The following PPP2R2B variants were observed in gnomAD, a reference collection of about 807,000 sequenced individuals.
PPP2R2B encodes protein phosphatase 2 regulatory subunit Bbeta, also known as serine/threonine-protein phosphatase 2A 55 kDa regulatory subunit B beta isoform.
PPP2R2B carries 5 observed loss-of-function variants against 46.0 expected under a neutral mutation model. The observed-to-expected ratio is 0.11, with a 90% CI of 0.06 to 0.23. The LOEUF (loss-of-function observed/expected upper bound fraction) is 0.23, where lower values mean the gene tolerates loss of function less well. PPP2R2B is among the 10% of genes least tolerant of loss of function. The pLI, the probability that PPP2R2B is intolerant of heterozygous loss-of-function variation, is 1.00. For missense variants in PPP2R2B, 367 were observed against 575.0 expected (o/e 0.64, Z 3.70); for synonymous variants, 215 against 206.7 (o/e 1.04, Z -0.34).
chr5:146,785,802 C>T (rs1755800460), intron 2 of PPP2R2B, among the ~76,000 whole-genome samples: 1 of 152,006 alleles, frequency 6.6e-6, no homozygotes, highest in East Asian at 1.9e-4. Flanking sequence ...TGCATGTTCT[C>T]ACTGATACAT....
intron 7 of PPP2R2B, chr5:146,607,134 G>A (rs1772368854): frequency 6.6e-6 from 1 of 152,186 alleles, no homozygotes; most frequent in African/African-American, 2.4e-5. Flanking sequence ...CGCCGATTGA[G>A]ATGCAGCCAG....
In PPP2R2B at chr5:146,728,949, G is replaced by A. The variant is rs77795750; in HGVS notation, c.71-27807C>T. Among the ~76,000 whole-genome samples the A allele has an allele frequency of 6.6e-3, 1,012 of 152,234 alleles. 13 individuals carry two copies. Among genetic ancestry groups the A allele is most frequent in the African/African-American group, 0.023 (966 of 41,524 alleles). On this transcript the variant is annotated intron_variant, in intron 2 of 9. Transcript: ENST00000394411. ...AATACAGCAAATTGGTACCAGGAGT[G>A]GGGTGTTGCTGAAGAGATACCCCAA...
At chr5:146,828,190 G>A (rs1341693562) in intron 2 of PPP2R2B, among the ~76,000 whole-genome samples, 1 of 151,230 alleles carries the variant, frequency 6.6e-6, no homozygotes, top group East Asian at 1.9e-4. Flanking sequence ...CTAGTTGAAG[G>A]TTTTATTTTC....
At chr5:146,892,959 TG>T (rs1406526579) in intron 1 of PPP2R2B, among the ~76,000 whole-genome samples, 3 of 152,324 alleles carry the variant, frequency 2.0e-5, no homozygotes, top group African/African-American at 4.8e-5. Flanking sequence ...TAGGATCTAT[TG>T]CTACCCTAGG....
At chr5:146,978,513 T>G (rs1056993580) in intron 1 of PPP2R2B, among the ~76,000 whole-genome samples, 1 of 152,240 alleles carries the variant, frequency 6.6e-6, no homozygotes, top group African/African-American at 2.4e-5. Context: ...GTACTACGTT[T>G]AAGTCTTTAA....
chr5:146,812,354 C>T lies in PPP2R2B; in HGVS notation c.70+65648G>A, dbSNP rs539974537. Among the ~76,000 whole-genome samples, 439 of 148,542 alleles carry T rather than the reference C, an allele frequency of 3.0e-3. 4 individuals carry two copies. Among genetic ancestry groups the T allele is most frequent in the African/African-American group, 9.6e-3 (387 of 40,316 alleles). On this transcript the variant is annotated intron_variant, in intron 2 of 9. Coordinates refer to ENST00000394411, the MANE Select transcript of PPP2R2B (RefSeq NM_181675.4). The stretch of plus-strand genomic sequence containing the variant: ...GAGCCTAGTAGATCTAAGGAGGCTT[C>T]GTTGTAGTACTTATCTGTTTGTTTA...
chr5:146,874,206 A>G (rs1761771950), intron 2 of PPP2R2B, among the ~76,000 whole-genome samples: 1 of 152,174 alleles, frequency 6.6e-6, no homozygotes, highest in Admixed American at 6.5e-5. Context: ...GTCTCATACT[A>G]TCTCCTTTGC....
At chr5:146,984,789 C>A (rs1439676012) in intron 1 of PPP2R2B, among the ~76,000 whole-genome samples, 1 of 151,584 alleles carries the variant, frequency 6.6e-6, no homozygotes, top group African/African-American at 2.4e-5. Flanking sequence ...GAGGATATTT[C>A]TTGTGGCTTT....
Position 146,701,065 on chromosome 5 carries a change from T to C in PPP2R2B, c.148A>G (p.Ile50Val), listed in dbSNP as rs760031788. 1.2e-6 allele frequency: 2 copies of C among 1,613,426 alleles called. No individual in the cohort carries two copies. The highest frequency in any genetic ancestry group is 1.7e-6 in the Non-Finnish European group (2 of 1,179,354). ...CTTACCTCCTGCTCTCGTTGAAATA[T>C]TACAACCCGACCCCCCTTGTCCCCT... ...ATGDKGGRVV[I>V]FQREQESKNQ... Residue 50 changes from isoleucine to valine, a missense_variant, in exon 3 of 10, where the codon ATA (isoleucine) becomes GTA (valine). Transcript: ENST00000394411.
upstream of PPP2R2B, chr5:146,879,249 G>C (rs1762083250): frequency 6.6e-6 from 1 of 152,432 alleles, no homozygotes; most frequent in Admixed American, 6.5e-5. Context: ...AAGCCCTCTA[G>C]TAGGAATAGG....
At chr5:146,670,547 G>A (rs1561818585) in intron 5 of PPP2R2B, among the ~76,000 whole-genome samples, 1 of 151,504 alleles carries the variant, frequency 6.6e-6, no homozygotes, top group Non-Finnish European at 1.5e-5. Context: ...CCAGGTTGCA[G>A]TGCAGTGGCG....
chr5:146,813,553 G>T (rs1332621637), intron 2 of PPP2R2B, among the ~76,000 whole-genome samples: 1 of 152,136 alleles, frequency 6.6e-6, no homozygotes, highest in Non-Finnish European at 1.5e-5. Flanking sequence ...GCAGCTGTCC[G>T]GGTCCTCAGT....
chr5:146,712,771 A>G (rs900298406), intron 2 of PPP2R2B, among the ~76,000 whole-genome samples: 4 of 152,062 alleles, frequency 2.6e-5, no homozygotes, highest in Non-Finnish European at 5.9e-5. Context: ...ATCATCCCCA[A>G]TAGAGGAGGA....
intron 2 of PPP2R2B, among the ~76,000 whole-genome samples, chr5:146,747,297 A>C (rs886434260): frequency 3.9e-5 from 6 of 152,178 alleles, no homozygotes; most frequent in Non-Finnish European, 7.3e-5. Flanking sequence ...GACAACTGGA[A>C]AGATCCCAGT....
chr5:146,707,325 C>G (rs1779924871), intron 2 of PPP2R2B: 2 of 1,010,912 alleles, frequency 2.0e-6, no homozygotes, highest in Middle Eastern at 2.3e-4. Context: ...TGTTGAAGGT[C>G]TTGATCTGCT....
At chr5:147,011,758 A>G (rs1754744031) in intron 1 of PPP2R2B, among the ~76,000 whole-genome samples, 1 of 148,638 alleles carries the variant, frequency 6.7e-6, no homozygotes, top group African/African-American at 2.5e-5. Flanking sequence ...TCCCATCAAT[A>G]CCTAATTTAT....
intron 6 of PPP2R2B, among the ~76,000 whole-genome samples, chr5:146,640,465 G>A (rs1191245826): frequency 6.6e-6 from 1 of 152,236 alleles, no homozygotes; most frequent in Non-Finnish European, 1.5e-5. Flanking sequence ...TGCTCTCTCA[G>A]CCACTGACCC....
intron 1 of PPP2R2B, among the ~76,000 whole-genome samples, chr5:147,006,789 C>T (rs1754458909): frequency 6.6e-6 from 1 of 152,016 alleles, no homozygotes; most frequent in Non-Finnish European, 1.5e-5. Context: ...GTTGTTTTTA[C>T]ACAACCAAAA....
intron 2 of PPP2R2B, among the ~76,000 whole-genome samples, chr5:146,790,008 T>C (rs568538308): frequency 3.2e-4 from 49 of 152,288 alleles, no homozygotes; most frequent in African/African-American, 1.2e-3. Context: ...AGGTAAAATG[T>C]AATCACAACA....
Sources: allele counts gnomAD v4.1 joint callset (sites outside exome capture counted in the v4.1 genomes callset), GRCh38; gene constraint gnomAD v4.1.1; transcripts MANE v1.5; gene names NCBI Gene and HGNC (gene_info 2026-07-23, HGNC 2026-07-21).